Variants in PCNX1 observed in about 807,000 individuals in gnomAD.
PCNX1 encodes pecanex 1, also known as pecanex-like protein 1.
Under a neutral mutation model 242.2 loss-of-function variants are expected in PCNX1, and 78 were observed. The observed-to-expected ratio is 0.32, with a 90% CI of 0.27 to 0.39. PCNX1 has a LOEUF of 0.39. Among genes scored for constraint, PCNX1 ranks in the 10% least tolerant of loss-of-function variants. The pLI is 1.00. For missense variants in PCNX1, 2,581 were observed against 2,856.5 expected (o/e 0.90, Z 2.20); for synonymous variants, 1,024 against 1,032.9 (o/e 0.99, Z 0.17).
At chr14:71,056,668 GTTTTTCTTTC>G (rs1044497699) in intron 25 of PCNX1, among the ~76,000 whole-genome samples, 1 of 151,360 alleles carries the variant, frequency 6.6e-6, no homozygotes, top group African/African-American at 2.4e-5. Context: ...TTATTTTAAT[GTTTTTCTTTC>G]TTTTTCTTTT....
At position 71,103,622 on chromosome 14, in the gene PCNX1, T is replaced by C; in HGVS notation, c.6048T>C (p.Pro2016=). Residue 2016 remains proline, a synonymous_variant, in exon 32 of 36, where the codon CCT becomes CCC. Transcript: ENST00000304743. ...AGCTTAAAGACATTCTTGGGGGTCC[T>C]ATCAGCTTGGGAAATATCAGGAACT... ...HEQLKDILGG[P]ISLGNIRNFI... is the part of the protein sequence containing the mutation. 1 of 1,614,148 alleles carries C rather than the reference T, an allele frequency of 6.2e-7. No individual in the cohort carries two copies. The highest frequency in any genetic ancestry group is 8.5e-7 in the Non-Finnish European group (1 of 1,179,980).
chr14:70,972,623 TGGATTTACAGGATCCAAACCAA>T (rs1301213888), intron 5 of PCNX1, among the ~76,000 whole-genome samples: 1 of 152,208 alleles, frequency 6.6e-6, no homozygotes, highest in Non-Finnish European at 1.5e-5. Context: ...TCCTCTGGTT[TGGATTTACAGGATCCAAACCAA>T]GGATCCAAGC....
At chr14:70,970,615 A>G (rs1405994664) in intron 5 of PCNX1, among the ~76,000 whole-genome samples, 1 of 152,208 alleles carries the variant, frequency 6.6e-6, no homozygotes, top group Non-Finnish European at 1.5e-5. Context: ...GCAACTATAC[A>G]TTAACATAGA....
At chr14:71,076,163 T>G in intron 27 of PCNX1, 26 bp from the exon 28 acceptor site, 1 of 971,318 alleles carries the variant, frequency 1.0e-6, no homozygotes, top group South Asian at 1.7e-5. Context: ...ATCTGAATTC[T>G]TTTTTTTTTG....
At chr14:71,070,876 G>T (rs1318724884) in intron 26 of PCNX1, among the ~76,000 whole-genome samples, 1 of 152,188 alleles carries the variant, frequency 6.6e-6, no homozygotes, top group African/African-American at 2.4e-5. Context: ...CTCCTCTCTA[G>T]CTGTGAAAGT....
Position 71,102,010 on chromosome 14 carries a change from T to C in PCNX1, c.5610T>C (p.Asp1870=), listed in dbSNP as rs1219010360. 1.3e-6 allele frequency: 2 copies of C among 1,594,810 alleles called. No individual in the cohort carries two copies. The highest frequency in any genetic ancestry group is 1.7e-6 in the Non-Finnish European group (2 of 1,167,538). ...KLHQDHFTSP[D]EYDDPTVLYE... is the part of the protein sequence containing the mutation. Reference sequence around the variant, plus strand: ...TTTAGGATCATTTTACTTCTCCAGATGAATATGATGACCCTACTGTGCTCT... The same window carrying C: ...TTTAGGATCATTTTACTTCTCCAGACGAATATGATGACCCTACTGTGCTCT... Residue 1870 remains aspartate, a synonymous_variant, in exon 31 of 36, where the codon GAT becomes GAC. Coordinates refer to ENST00000304743, the MANE Select transcript of PCNX1 (RefSeq NM_014982.3).
intron 32 of PCNX1, 110 bp from the exon 33 acceptor site, chr14:71,105,125 A>C (rs2062575636): frequency 1.3e-6 from 1 of 780,736 alleles, no homozygotes; most frequent in Non-Finnish European, 2.1e-6. Context: ...AAAGACTTTA[A>C]AAGGTGAACA....
chr14:71,010,749 G>A (rs1387326922), intron 9 of PCNX1, among the ~76,000 whole-genome samples: 4 of 151,954 alleles, frequency 2.6e-5, no homozygotes, highest in Non-Finnish European at 2.9e-5. Flanking sequence ...TTTAATGATG[G>A]ATCACATCTG....
intron 9 of PCNX1, 184 bp downstream of exon 9, chr14:71,009,908 G>T (rs1272111370): frequency 2.2e-5 from 9 of 416,928 alleles, no homozygotes; most frequent in Non-Finnish European, 3.4e-5. Flanking sequence ...CATATACATT[G>T]GCTTAATTGA....
intron 7 of PCNX1, among the ~76,000 whole-genome samples, chr14:70,991,203 C>CTTT (rs1393062718): frequency 5.6e-5 from 7 of 124,312 alleles, no homozygotes; most frequent in East Asian, 2.3e-4. Flanking sequence ...TGTGTACTAC[C>CTTT]TTTTTTTTTT....
At chr14:71,042,875 ATTTG>A (rs1181992420) in intron 19 of PCNX1, among the ~76,000 whole-genome samples, 3 of 152,034 alleles carry the variant, frequency 2.0e-5, no homozygotes, top group East Asian at 1.9e-4. Context: ...TAAAAAAATC[ATTTG>A]TTTATCTTCT....
intron 8 of PCNX1, among the ~76,000 whole-genome samples, chr14:71,003,433 A>G (rs2059568406): frequency 2.0e-5 from 3 of 152,016 alleles, no homozygotes; most frequent in Admixed American, 6.6e-5. Context: ...AGTTCTTTTG[A>G]TATTTTAAAT....
At chr14:70,946,760 T>C (rs1056086841) in intron 1 of PCNX1, 155 bp from the exon 2 acceptor site, 1 of 599,168 alleles carries the variant, frequency 1.7e-6, no homozygotes, top group Non-Finnish European at 2.9e-6. Context: ...TCTTTTGCAT[T>C]GGGCATTGAA....
At position 71,047,123 on chromosome 14, in the gene PCNX1, C is replaced by G; in HGVS notation, c.4160+18C>G. On this transcript the variant is annotated intron_variant, in intron 21 of 35. Transcript: ENST00000304743. ...AATACAGAGTAAGTATAGTAGTCTT[C>G]TAATATTGTCTGACTACTGGGGGCT... is the stretch of plus-strand genomic sequence containing the variant. 4 of 1,434,502 alleles carry G rather than the reference C, an allele frequency of 2.8e-6. No homozygotes were observed. Among genetic ancestry groups the G allele is most frequent in the Non-Finnish European group, 3.8e-6 (4 of 1,055,066 alleles). 88.9% of individuals were successfully genotyped at this position (1,434,502 alleles called of 1,614,324 possible).
At chr14:70,950,000 G>A (rs2140349659) in intron 2 of PCNX1, among the ~76,000 whole-genome samples, 1 of 152,234 alleles carries the variant, frequency 6.6e-6, no homozygotes, top group East Asian at 1.9e-4. Context: ...CAGACATCAA[G>A]ACATAAATAA....
At chr14:71,099,242 T>C (rs2062395578) in intron 30 of PCNX1, among the ~76,000 whole-genome samples, 1 of 151,528 alleles carries the variant, frequency 6.6e-6, no homozygotes, top group Admixed American at 6.6e-5. Context: ...CACTGCAAGC[T>C]TGGCCTCCTG....
At chr14:70,969,481 C>G (rs2058476841) in intron 5 of PCNX1, among the ~76,000 whole-genome samples, 1 of 152,154 alleles carries the variant, frequency 6.6e-6, no homozygotes, top group Non-Finnish European at 1.5e-5. Context: ...TCTCTAAATG[C>G]CAGCTGCTTC....
At chr14:71,005,077 C>A (rs1379923255) in intron 8 of PCNX1, among the ~76,000 whole-genome samples, 1 of 152,060 alleles carries the variant, frequency 6.6e-6, no homozygotes, top group Non-Finnish European at 1.5e-5. Flanking sequence ...AGAAAATTAT[C>A]CAAGAAATTT....
At chr14:70,918,242 T>C (rs1566564870) in intron 1 of PCNX1, among the ~76,000 whole-genome samples, 2 of 152,230 alleles carry the variant, frequency 1.3e-5, no homozygotes, top group Admixed American at 1.3e-4. Flanking sequence ...ACTTGACTTT[T>C]GGTGCATGAG....
Sources: allele counts gnomAD v4.1 joint callset (sites outside exome capture counted in the v4.1 genomes callset), GRCh38; gene constraint gnomAD v4.1.1; transcripts MANE v1.5; gene names NCBI Gene and HGNC (gene_info 2026-07-23, HGNC 2026-07-21).